Variants in TTN observed in about 807,000 individuals in gnomAD.
TTN encodes the protein titin, also known as connectin.
A neutral mutation model predicts 3,223.0 loss-of-function variants in TTN; 1,525 were observed. The observed-to-expected ratio is 0.47, with a 90% CI of 0.45 to 0.49. The LOEUF (loss-of-function observed/expected upper bound fraction) is 0.49. Among genes scored for constraint, TTN ranks in the 20% least tolerant of loss-of-function variants. TTN has a pLI of 0.00. For missense variants in TTN, 40,786 were observed against 43,424.0 expected, an observed-to-expected ratio of 0.94 and a Z score of 5.40; for synonymous variants, 14,094 against 15,161.0, an observed-to-expected ratio of 0.93 and a Z score of 5.17.
intron 133 of TTN, among the ~76,000 whole-genome samples, 152 bp downstream of exon 133, chr2:178,683,847 A>T (rs958083896): frequency 6.6e-6 from 1 of 151,978 alleles, no homozygotes; most frequent in Non-Finnish European, 1.5e-5. Context: ...GTTATCAAAA[A>T]TGTTTAGTTT....
Position 178,764,803 on chromosome 2 carries a change from G to C in TTN, c.9712C>G (p.Pro3238Ala). ...TGGAGCTCCTGCAGAACTTGGGGCGGTTCAGGAGCTAGGAGTAAATGTTGA... is the reference window on the plus strand; with the variant it reads ...TGGAGCTCCTGCAGAACTTGGGGCGCTTCAGGAGCTAGGAGTAAATGTTGA... ...SVTLYVNAPEPPQVLQELQPV... is the reference protein window; with the variant it reads ...SVTLYVNAPEAPQVLQELQPV... The change falls in exon 42 of 363, where the codon CCG (proline) becomes GCG (alanine). Residue 3238 changes from proline (P) to alanine (A), a missense_variant. Physicochemically the swap from Pro to Ala is conservative, Grantham distance 27. Transcript: ENST00000589042. The C allele has an allele frequency of 6.2e-7, 1 of 1,613,116 alleles. No individual in the cohort carries two copies. The highest frequency in any genetic ancestry group is 1.3e-5 in the African/African-American group (1 of 74,994).
Position 178,575,709 on chromosome 2 carries a change from G to A in TTN, c.70423C>T (p.Arg23475Cys), listed in dbSNP as rs761442543. ...GAATAAGATTTCCGTGTTGCTTCAC[G>A]TTTCTCTACAATGTAGTTTGTTATA... is the stretch of plus-strand genomic sequence containing the variant. ...SRITNYIVEK[R>C]EATRKSYSTA... Residue 23475 changes from arginine to cysteine, a missense_variant, in exon 326 of 363, where the codon CGT (arginine) becomes TGT (cysteine). Coordinates refer to ENST00000589042, the MANE Select transcript of TTN (RefSeq NM_001267550.2). This position sits in a 1 kb window ranked among gnomAD's most constrained non-coding sequence, Gnocchi z 4.0. The A allele has an allele frequency of 2.7e-5, 43 of 1,613,338 alleles. No homozygotes were observed. Among genetic ancestry groups the A allele is most frequent in the Non-Finnish European group, 3.4e-5 (40 of 1,179,630 alleles).
Position 178,723,302 on chromosome 2 carries a change from T to A in TTN, c.21705A>T (p.Arg7235Ser), listed in dbSNP as rs772506057. The change falls in exon 75 of 363, where the codon AGA (arginine) becomes AGT (serine). Residue 7235 changes from arginine to serine, a missense_variant. By Grantham distance (110) the Arg-to-Ser change is moderately radical. Coordinates refer to ENST00000589042, the MANE Select transcript of TTN (RefSeq NM_001267550.2). ...CTGGTTCTACAGAATGATCACTTAA[T>A]CTCTTCAAAAATGCAGCTGGTTCTA... is the stretch of plus-strand genomic sequence containing the variant. ...FVKEPAAFLK[R>S]LSDHSVEPGK... The A allele has an allele frequency of 6.2e-7, 1 of 1,612,566 alleles. No homozygotes were observed.
Position 178,575,491 on chromosome 2 carries a change from GCT to G in TTN, c.70639_70640del (p.Ser23547HisfsTer8). The G allele has an allele frequency of 6.2e-7, 1 of 1,613,672 alleles. No individual in the cohort carries two copies. The highest frequency in any genetic ancestry group is 8.5e-7 in the Non-Finnish European group (1 of 1,179,670). The part of the protein sequence containing the change: ...DSLNIMDITK[S>X]TVSLAWPKPK... ...GCTTAGGCCATGCCAGGCTGACGGT[GCT>G]CTTAGTTATGTCCATGATGTTAAGG... On this transcript the variant is annotated frameshift_variant, in exon 326 of 363. Transcript: ENST00000589042. LOFTEE classifies it high-confidence loss of function. This position sits in a 1 kb window ranked among gnomAD's most constrained non-coding sequence, Gnocchi z 4.0.
In TTN at chr2:178,553,695, A is replaced by T. The variant is rs1182574541; in HGVS notation, c.89310T>A (p.Val29770=). ...YDGGSAVTGY[V]VEIRQGEEEE... ...CTTCCTCTCCTTGTCTTATCTCGAC[A>T]ACATACCCAGTAACAGCACTGCCCC... is the stretch of plus-strand genomic sequence containing the variant. The change falls in exon 334 of 363, where the codon GTT becomes GTA. Residue 29770 remains valine, a synonymous_variant. Transcript: ENST00000589042. 3 of 1,613,734 alleles carry T rather than the reference A, an allele frequency of 1.9e-6. No individual in the cohort carries two copies. In the African/African-American group the frequency reaches 4.0e-5, roughly 22 times the overall value.
Position 178,537,256 on chromosome 2 carries a change from A to G in TTN, c.99866-13T>C. ...TTGTCTGGTTTATCTGTTGGGGGAA[A>G]ATACAATTGTGGTGGTTTTCATAGT... On this transcript the variant is annotated splice_polypyrimidine_tract_variant and intron_variant, in intron 355 of 362. Transcript: ENST00000589042. 6.4e-7 allele frequency: 1 copy of G among 1,569,028 alleles called. No homozygotes were observed. The highest frequency in any genetic ancestry group is 1.4e-5 in the African/African-American group (1 of 73,226).
In TTN at chr2:178,593,225, A is replaced by T. The variant is rs2050627164; in HGVS notation, c.58983T>A (p.Gly19661=). 1.2e-6 allele frequency: 2 copies of T among 1,613,436 alleles called. No homozygotes were observed. The highest frequency in any genetic ancestry group is 1.7e-6 in the Non-Finnish European group (2 of 1,179,612). The change falls in exon 299 of 363, where the codon GGT becomes GGA. Residue 19661 remains glycine, a synonymous_variant. Transcript: ENST00000589042. ...TGGATGGTGGGCTTGGATCTCCAAT[A>T]CCAATTTCATTTTCTGCAGAAACCC... is the stretch of plus-strand genomic sequence containing the variant. The part of the protein sequence containing the change: ...EFRVSAENEI[G]IGDPSPPSKP...
chr2:178,540,535 G>A (rs1367407583), intron 350 of TTN, among the ~76,000 whole-genome samples, 165 bp from the exon 351 acceptor site: 3 of 152,186 alleles, frequency 2.0e-5, no homozygotes, highest in African/African-American at 7.2e-5. Flanking sequence ...GCTCATGCCT[G>A]TAATCACAGC....
chr2:178,547,854 C>T lies in TTN; in HGVS notation c.93772G>A (p.Glu31258Lys), dbSNP rs994627256. 6.2e-7 allele frequency: 1 copy of T among 1,613,912 alleles called. No homozygotes were observed. The highest frequency in any genetic ancestry group is 8.5e-7 in the Non-Finnish European group (1 of 1,179,842). Residue 31258 changes from glutamate (E) to lysine (K), a missense_variant, in exon 339 of 363, where the codon GAG (glutamate) becomes AAG (lysine). By Grantham distance (56) the Glu-to-Lys change is moderately conservative. Coordinates refer to ENST00000589042, the MANE Select transcript of TTN (RefSeq NM_001267550.2). ...TWKLEEMRLK[E>K]TDRVSITTTK... is the part of the protein sequence containing the mutation. ...GTTGTAATGCTCACTCGATCTGTCTCTTTAAGTCTCATTTCTTCCAGTTTC... is the reference window on the plus strand; with the variant it reads ...GTTGTAATGCTCACTCGATCTGTCTTTTTAAGTCTCATTTCTTCCAGTTTC...
chr2:178,664,083 T>C lies in TTN; in HGVS notation c.36296A>G (p.Lys12099Arg). 2.5e-6 allele frequency: 4 copies of C among 1,611,774 alleles called. No individual in the cohort carries two copies. Among genetic ancestry groups the C allele is most frequent in the South Asian group, 2.2e-5 (2 of 90,790 alleles). ...CACTTTCTTTTCAGGGATAATCTCT[T>C]TGGGAGCTTCGTGCACTTGAAAGAT... ...VVPVKVHEAP[K>R]EIIPEKKVSV... Residue 12099 changes from lysine (K) to arginine (R), a missense_variant, in exon 169 of 363, where the codon AAA becomes AGA. Physicochemically the swap from Lys to Arg is conservative, Grantham distance 26 (BLOSUM62 2). Transcript: ENST00000589042.
intron 309 of TTN, 32 bp downstream of exon 309, chr2:178,585,040 T>G: frequency 6.2e-7 from 1 of 1,603,382 alleles, no homozygotes; most frequent in Non-Finnish European, 8.5e-7. Context: ...AGCTTCATAT[T>G]TAGATGGCCA....
rs772717075 is a variant in TTN at position 178,718,318 on chromosome 2, A to T, written c.24784+4T>A. 1.2e-6 allele frequency: 2 copies of T among 1,608,198 alleles called. No individual in the cohort carries two copies. Among genetic ancestry groups the T allele is most frequent in the Non-Finnish European group, 1.7e-6 (2 of 1,176,148 alleles). ...GCAATAAAAAGAGGTAGCTGTCAAC[A>T]CACCTAAGACAGACACCAGAGCTTC... On this transcript the variant is annotated splice_donor_region_variant and intron_variant, in intron 85 of 362. Transcript: ENST00000589042.
chr2:178,756,768 TC>T lies in TTN; in HGVS notation c.10707del (p.Asp3571MetfsTer2). The T allele has an allele frequency of 6.2e-7, 1 of 1,613,780 alleles. No homozygotes were observed. Among genetic ancestry groups the T allele is most frequent in the Non-Finnish European group, 8.5e-7 (1 of 1,179,780 alleles). On this transcript the variant is annotated frameshift_variant, in exon 46 of 363. Transcript: ENST00000589042. LOFTEE classifies it high-confidence loss of function. ...GACTTGGTGGACTCTCTTACATCTT[TC>T]CCAGAACTTTGCCTATCTAGGGCTT... The part of the protein sequence containing the change: ...KVQALDRQSS[G>X]KDVRESTKSQ...
At chr2:178,550,400 C>T in intron 336 of TTN, 127 bp from the exon 337 acceptor site, 1 of 732,302 alleles carries the variant, frequency 1.4e-6, no homozygotes, top group Non-Finnish European at 2.1e-6. Flanking sequence ...CTACCAAAGC[C>T]TATTTTGAAA....
chr2:178,558,067 G>A lies in TTN; in HGVS notation c.87287C>T (p.Thr29096Ile). The part of the protein sequence containing the change: ...KATMRFNTEI[T>I]AENLTINLKE... ...GAGATTGATGGTCAGGTTCTCAGCA[G>A]TAATTTCGGTATTAAATCTCATGGT... Residue 29096 changes from threonine (T) to isoleucine (I), a missense_variant, in exon 328 of 363, where the codon ACT becomes ATT. Transcript: ENST00000589042. The A allele has an allele frequency of 6.2e-7, 1 of 1,613,950 alleles. No individual in the cohort carries two copies. Among genetic ancestry groups the A allele is most frequent in the African/African-American group, 1.3e-5 (1 of 75,064 alleles).
At chr2:178,705,848 A>C (rs2075786543) in intron 102 of TTN, among the ~76,000 whole-genome samples, 1 of 152,244 alleles carries the variant, frequency 6.6e-6, no homozygotes. Context: ...AGAACCATTC[A>C]TAACATAAGA....
Position 178,539,048 on chromosome 2 carries a change from C to T in TTN, c.98887G>A (p.Val32963Ile), listed in dbSNP as rs745608832. The T allele has an allele frequency of 1.2e-6, 2 of 1,613,784 alleles. No individual in the cohort carries two copies. Among genetic ancestry groups the T allele is most frequent in the Non-Finnish European group, 8.5e-7 (1 of 1,179,732 alleles). The part of the protein sequence containing the change: ...TTTMYTVTGL[V>I]PDAEYQFRII... ...CGGAACTGATACTCAGCATCGGGAA[C>T]AAGCCCTGTGACAGTGTACATTGTG... The change falls in exon 353 of 363, where the codon GTT becomes ATT. Residue 32963 changes from valine (V) to isoleucine (I), a missense_variant. By Grantham distance (29) the Val-to-Ile change is conservative. Transcript: ENST00000589042.
In TTN at chr2:178,711,344, T is replaced by C. The variant is rs768947049; in HGVS notation, c.27892A>G (p.Lys9298Glu). ...ASTFLTVQEQ[K>E]LPPSFSRQLR... ...TGTCGAGAAAATGATGGTGGAAGTT[T>C]TTGCTCTGTAGGAACAGAATAAAAG... Residue 9298 changes from lysine to glutamate, a missense_variant, in exon 97 of 363, where the codon AAA becomes GAA. Physicochemically the swap from Lys to Glu is moderately conservative, Grantham distance 56. Coordinates refer to ENST00000589042, the MANE Select transcript of TTN (RefSeq NM_001267550.2). 7.5e-6 allele frequency: 12 copies of C among 1,604,754 alleles called. No individual in the cohort carries two copies. The South Asian group carries it at 1.3e-4, about 18-fold the overall frequency.
chr2:178,528,529 G>C lies in TTN; in HGVS notation c.107222C>G (p.Pro35741Arg), dbSNP rs371210082. 6.2e-7 allele frequency: 1 copy of C among 1,602,956 alleles called. No homozygotes were observed. Among genetic ancestry groups the C allele is most frequent in the Non-Finnish European group, 8.5e-7 (1 of 1,173,430 alleles). ...PEIEWFKNNL[P>R]ISISSNVSIS... The stretch of plus-strand genomic sequence containing the variant: ...TAATATATTCATAATTAAACTTACT[G>C]GCAGGTTGTTTTTAAACCATTCGAT... Residue 35741 changes from proline (P) to arginine (R), a missense_variant and splice_region_variant, in exon 360 of 363, where the codon CCA becomes CGA. Physicochemically the swap from Pro to Arg is moderately radical, Grantham distance 103. Coordinates refer to ENST00000589042, the MANE Select transcript of TTN (RefSeq NM_001267550.2).
Sources: gnomAD v4.1 joint callset for allele counts (sites outside exome capture counted in the v4.1 genomes callset) on GRCh38, gnomAD v4.1.1 for gene constraint, Gnocchi (gnomAD v3.1) non-coding constraint, MANE v1.5 for transcripts, NCBI Gene and HGNC (gene_info 2026-07-23, HGNC 2026-07-21) for gene names.